Variants in TENM2 observed in about 807,000 individuals in gnomAD.
TENM2 encodes teneurin transmembrane protein 2, also known as teneurin-2.
Under a neutral mutation model 245.2 loss-of-function variants are expected in TENM2, and 52 were observed. The ratio of observed to expected loss-of-function variants is 0.21; its 90% confidence interval spans 0.17 to 0.27. The LOEUF is 0.27. TENM2 is among the 10% of genes least tolerant of loss of function. The probability of loss-of-function intolerance (pLI) is 1.00; values close to 1 mark genes in which losing one functional copy is unlikely to be tolerated. For synonymous variants in TENM2, 1,363 were observed against 1,438.9 expected (o/e 0.95, Z 1.19); for missense variants, 3,046 against 3,666.8 (o/e 0.83, Z 4.37).
chr5:167,339,030 G>A (rs1470278506), intron 1 of TENM2, among the ~76,000 whole-genome samples: 2 of 152,122 alleles, frequency 1.3e-5, no homozygotes, highest in Non-Finnish European at 2.9e-5. Context: ...TCCATCCATA[G>A]CATTCCACCC....
At chr5:167,394,096 T>C (rs11749953) in intron 2 of TENM2, among the ~76,000 whole-genome samples, 88,033 of 151,992 alleles carry the variant, frequency 0.58, 26,429 homozygotes, top group African/African-American at 0.75. Flanking sequence ...ATTTTGTTGC[T>C]AGTATTCTTT....
intron 2 of TENM2, among the ~76,000 whole-genome samples, chr5:167,441,216 C>G (rs1385586188): frequency 6.6e-6 from 1 of 152,034 alleles, no homozygotes; most frequent in East Asian, 1.9e-4. Flanking sequence ...TTTTTTCAAG[C>G]CCAGCTAAAG....
chr5:167,432,356 T>A (rs1194426668), intron 2 of TENM2, among the ~76,000 whole-genome samples: 1 of 151,816 alleles, frequency 6.6e-6, no homozygotes, highest in South Asian at 2.1e-4. Context: ...TTCTTCTCCA[T>A]ACCGGAAAAA....
At chr5:168,162,809 GCTTTTGTCATAAGT>G in intron 13 of TENM2, 52 bp downstream of exon 15, 10 of 1,586,664 alleles carry the variant, frequency 6.3e-6, no homozygotes, top group Non-Finnish European at 7.8e-6. Context: ...CGTTGTCCAT[GCTTTTGTCATAAGT>G]CATTTTTCTT....
At chr5:167,437,136 A>G (rs1330083586) in intron 2 of TENM2, among the ~76,000 whole-genome samples, 2 of 152,106 alleles carry the variant, frequency 1.3e-5, no homozygotes. Context: ...CAGACACTCA[A>G]CACCAGCCCG....
intron 1 of TENM2, chr5:167,303,250 T>A (rs1285734246): frequency 6.3e-6 from 1 of 158,242 alleles, no homozygotes; most frequent in Admixed American, 6.5e-5. Flanking sequence ...GGTCCCCCGA[T>A]CCCAGTCACT....
intron 3 of TENM2, among the ~76,000 whole-genome samples, chr5:167,913,889 G>C (rs1380778138): frequency 6.6e-6 from 1 of 152,216 alleles, no homozygotes; most frequent in Non-Finnish European, 1.5e-5. Context: ...CATATGCACA[G>C]AGTTTAGTAC....
intron 12 of TENM2, among the ~76,000 whole-genome samples, chr5:168,133,331 A>G (rs1754756882): frequency 6.6e-6 from 1 of 152,232 alleles, no homozygotes; most frequent in Non-Finnish European, 1.5e-5. Context: ...AAAGAAAAAT[A>G]TTAAGTAAAT....
intron 2 of TENM2, among the ~76,000 whole-genome samples, chr5:167,607,691 G>C (rs1777154590): frequency 6.6e-6 from 1 of 152,284 alleles, no homozygotes; most frequent in Non-Finnish European, 1.5e-5. Flanking sequence ...TCTTGCATTT[G>C]TTTCTAGGGA....
intron 19 of TENM2, among the ~76,000 whole-genome samples, chr5:168,207,388 G>C (rs1301529512): frequency 6.6e-6 from 1 of 152,210 alleles, no homozygotes; most frequent in African/African-American, 2.4e-5. Context: ...ATCAGAACAA[G>C]TCACGCCATG....
intron 2 of TENM2, among the ~76,000 whole-genome samples, chr5:167,537,192 A>C (rs117911426): frequency 0.062 from 8,992 of 145,508 alleles, 701 homozygotes; most frequent in Admixed American, 0.22. Context: ...TGGGAGGATC[A>C]CTTGAGTACA....
chr5:167,876,336 T>A, intron 3 of TENM2, 141 bp downstream of exon 5: 1 of 715,040 alleles, frequency 1.4e-6, no homozygotes, highest in Non-Finnish European at 2.4e-6. Context: ...TGTCATTTTG[T>A]GGCATGGTAT....
chr5:168,117,397 C>A (rs1318875216), intron 9 of TENM2, among the ~76,000 whole-genome samples: 2 of 152,144 alleles, frequency 1.3e-5, no homozygotes, highest in African/African-American at 4.8e-5. Flanking sequence ...CCAAGACCCC[C>A]TGTGTGTACC....
At chr5:167,547,594 A>T (rs1008172462) in intron 2 of TENM2, among the ~76,000 whole-genome samples, 1 of 152,208 alleles carries the variant, frequency 6.6e-6, no homozygotes, top group Non-Finnish European at 1.5e-5. Flanking sequence ...GGAATCCTAT[A>T]ATAGACAGTG....
chr5:168,174,150 A>G (rs1218003681), intron 13 of TENM2, among the ~76,000 whole-genome samples: 1 of 152,188 alleles, frequency 6.6e-6, no homozygotes, highest in African/African-American at 2.4e-5. Context: ...CAGAAGGCTG[A>G]TATATCTGCT....
At chr5:167,612,384 T>A (rs1314003121) in intron 2 of TENM2, among the ~76,000 whole-genome samples, 1 of 152,108 alleles carries the variant, frequency 6.6e-6, no homozygotes, top group African/African-American at 2.4e-5. Flanking sequence ...TTATTTAATT[T>A]TCGTAAGTTA....
chr5:168,058,370 T>C (rs1003906727), intron 6 of TENM2, among the ~76,000 whole-genome samples: 3 of 152,224 alleles, frequency 2.0e-5, no homozygotes, highest in African/African-American at 7.2e-5. Context: ...TCTGCATCTC[T>C]GCCTGACCTC....
chr5:166,998,398 C>T, the TENM2 span, among the ~76,000 whole-genome samples: 1 of 152,260 alleles, frequency 6.6e-6, no homozygotes, highest in Admixed American at 6.5e-5. Context: ...AAAACATGAT[C>T]ATCTTCCCTC....
intron 3 of TENM2, among the ~76,000 whole-genome samples, chr5:167,888,412 G>A (rs1209327842): frequency 6.6e-6 from 1 of 152,140 alleles, no homozygotes; most frequent in Non-Finnish European, 1.5e-5. Context: ...TTAACAAATA[G>A]TGCATGCAGT....
Sources: gnomAD v4.1 joint callset for allele counts (sites outside exome capture counted in the v4.1 genomes callset) on GRCh38, gnomAD v4.1.1 for gene constraint, MANE v1.5 for transcripts, NCBI Gene and HGNC (gene_info 2026-07-23, HGNC 2026-07-21) for gene names.